TENT5D: variants seen among roughly 807,000 people sequenced by gnomAD.
The protein encoded by TENT5D is cancer/testis antigen 112.
For missense variants in TENT5D, 191 were observed against 287.0 expected, an observed-to-expected ratio of 0.67 and a Z score of 2.42; for synonymous variants, 103 against 100.6, an observed-to-expected ratio of 1.02 and a Z score of -0.15.
At chrX:80,405,402 G>A (rs1324299597) in intron 3 of TENT5D, among the ~76,000 whole-genome samples, 2 of 112,414 alleles carry the variant, frequency 1.8e-5, no homozygotes, top group African/African-American at 3.2e-5. Context: ...TGCACGCACC[G>A]TGCGCGAGCC....
At chrX:80,423,925 G>C (rs1467692997) in intron 1 of TENT5D, among the ~76,000 whole-genome samples, 1 of 111,055 alleles carries the variant, frequency 9.0e-6, no homozygotes. Context: ...CCAGAGGTTT[G>C]TGCAAGTTTT....
intron 3 of TENT5D, among the ~76,000 whole-genome samples, chrX:80,348,738 G>A (rs184657275): frequency 8.8e-4 from 98 of 111,404 alleles, no homozygotes; most frequent in Non-Finnish European, 7.4e-4. Flanking sequence ...GTCTTGTGCC[G>A]GTTTTCAAAG....
intron 3 of TENT5D, among the ~76,000 whole-genome samples, chrX:80,368,575 T>G (rs1930556345): frequency 8.9e-6 from 1 of 112,028 alleles, no homozygotes; most frequent in South Asian, 3.7e-4. Context: ...GATTTAAATT[T>G]TATGTATATC....
intron 3 of TENT5D, among the ~76,000 whole-genome samples, chrX:80,393,399 G>T: frequency 9.1e-6 from 1 of 109,865 alleles, no homozygotes; most frequent in Middle Eastern, 4.7e-3. Flanking sequence ...CCCTCCCATT[G>T]TGTTTAAGTT....
At chrX:80,427,046 A>G (rs952263432) in intron 1 of TENT5D, among the ~76,000 whole-genome samples, 14 of 111,726 alleles carry the variant, frequency 1.3e-4, no homozygotes, top group African/African-American at 4.2e-4. Flanking sequence ...GCCTCCCACC[A>G]TGATCCTGAG....
chrX:80,363,190 G>A lies in TENT5D; in HGVS notation c.-142+20626G>A, dbSNP rs1005065199. Among the ~76,000 whole-genome samples, 30 of 111,615 alleles carry A rather than the reference G, an allele frequency of 2.7e-4. 1 individual carries two copies. The highest frequency in any genetic ancestry group is 2.3e-3 in the Admixed American group (24 of 10,466). On this transcript the variant is annotated intron_variant, in intron 3 of 4. Transcript: ENST00000538312. ...TCTGTGTCATTGGCAAGCTTAGATA[G>A]GGTCTTTGTTAACTGAATATTTTAA...
intron 3 of TENT5D, among the ~76,000 whole-genome samples, chrX:80,409,258 G>A (rs1040169663): frequency 4.5e-5 from 5 of 110,694 alleles, no homozygotes; most frequent in African/African-American, 1.6e-4. Context: ...GGGCAATTAG[G>A]CAGGAGAAGG....
chrX:80,387,143 C>T lies in TENT5D; in HGVS notation c.-142+44579C>T, dbSNP rs370598728. On this transcript the variant is annotated intron_variant, in intron 3 of 4. Coordinates refer to the TENT5D transcript ENST00000538312. ...GTGGCAGCTTTAAGTATCGAAGTTC[C>T]CAGATGAAGAATGCAGACAGTTCCA... Among the ~76,000 whole-genome samples, 131 of 112,072 alleles carry T rather than the reference C, an allele frequency of 1.2e-3. No homozygotes were observed. In the Middle Eastern group the frequency reaches 0.014, roughly 12 times the overall value.
chrX:80,401,579 T>C (rs1029098461), intron 3 of TENT5D, among the ~76,000 whole-genome samples: 1 of 111,893 alleles, frequency 8.9e-6, no homozygotes, highest in Non-Finnish European at 1.9e-5. Flanking sequence ...TTGAAGTACA[T>C]TCTTTCTATA....
chrX:80,393,898 T>C (rs937990328), intron 3 of TENT5D, among the ~76,000 whole-genome samples: 20 of 112,167 alleles, frequency 1.8e-4, no homozygotes, highest in Admixed American at 9.5e-5. Flanking sequence ...TATCTTCCAT[T>C]TCAAGGCTGA....
intron 3 of TENT5D, among the ~76,000 whole-genome samples, chrX:80,376,534 G>A (rs932622036): frequency 9.0e-6 from 1 of 111,373 alleles, no homozygotes; most frequent in African/African-American, 3.3e-5. Context: ...ATAAGCATAT[G>A]TGTTTTAAAA....
At chrX:80,425,679 A>C (rs920251669) in intron 1 of TENT5D, among the ~76,000 whole-genome samples, 1 of 112,368 alleles carries the variant, frequency 8.9e-6, no homozygotes, top group Admixed American at 9.5e-5. Flanking sequence ...TTGATAGCAT[A>C]TATTTAAACA....
exon 3 of TENT5D, chrX:80,442,738 G>A (rs137952753): frequency 6.6e-6 from 8 of 1,209,372 alleles, no homozygotes; most frequent in African/African-American, 3.5e-5. Flanking sequence ...GAATGGTTCC[G>A]TAGCAAGTTA....
chrX:80,432,129 A>T (rs1291076444), intron 1 of TENT5D, among the ~76,000 whole-genome samples: 1 of 111,088 alleles, frequency 9.0e-6, no homozygotes, highest in Non-Finnish European at 1.9e-5. Context: ...CACCCACAAC[A>T]TTGCATACAA....
intron 3 of TENT5D, among the ~76,000 whole-genome samples, chrX:80,358,284 G>T (rs1450857084): frequency 9.0e-6 from 1 of 110,809 alleles, no homozygotes; most frequent in Non-Finnish European, 1.9e-5. Flanking sequence ...AACACCAAAA[G>T]CAATGGCAAC....
At chrX:80,394,178 G>A (rs1931192314) in intron 3 of TENT5D, among the ~76,000 whole-genome samples, 1 of 111,215 alleles carries the variant, frequency 9.0e-6, no homozygotes, top group South Asian at 3.7e-4. Flanking sequence ...CACCAACGGT[G>A]TACAAGGGTT....
At chrX:80,374,172 T>A (rs756905602) in intron 3 of TENT5D, among the ~76,000 whole-genome samples, 3 of 111,700 alleles carry the variant, frequency 2.7e-5, no homozygotes, top group Non-Finnish European at 5.6e-5. Context: ...AAGGACATGA[T>A]CTTGTGCTTT....
At chrX:80,408,448 C>A (rs1421606736) in intron 3 of TENT5D, among the ~76,000 whole-genome samples, 1 of 109,729 alleles carries the variant, frequency 9.1e-6, no homozygotes, top group East Asian at 2.9e-4. Context: ...TACAAACTAC[C>A]ATCAGAGAAT....
At chrX:80,336,031 C>T (rs142397880) in intron 2 of TENT5D, among the ~76,000 whole-genome samples, 467 of 109,850 alleles carry the variant, frequency 4.3e-3, no homozygotes, top group African/African-American at 0.015. Flanking sequence ...AGTTATTAGA[C>T]ACTATGGATT....
Sources: gnomAD v4.1 joint callset for allele counts (sites outside exome capture counted in the v4.1 genomes callset) on GRCh38, gnomAD v4.1.1 for gene constraint, MANE v1.5 for transcripts, NCBI Gene and HGNC (gene_info 2026-07-23, HGNC 2026-07-21) for gene names.